Variants in SPRED2 observed in about 807,000 individuals in gnomAD.
The protein encoded by SPRED2 is sprouty-related, EVH1 domain-containing protein 2.
In SPRED2, 47 loss-of-function variants were observed where a neutral mutation model predicts 43.0. That is an observed-to-expected ratio of 1.09 (90% CI 0.87 to 1.40). The LOEUF (loss-of-function observed/expected upper bound fraction) is 1.40. SPRED2 is among the 40% of genes most tolerant of loss of function. SPRED2 has a pLI of 0.00. For missense variants in SPRED2, 561 were observed against 586.4 expected, an observed-to-expected ratio of 0.96 and a Z score of 0.45; for synonymous variants, 225 against 225.7, an observed-to-expected ratio of 1.00 and a Z score of 0.03.
chr2:65,319,308 T>C (rs34515879), intron 4 of SPRED2, among the ~76,000 whole-genome samples: 72 of 152,286 alleles, frequency 4.7e-4, no homozygotes, highest in Non-Finnish European at 8.7e-4. Context: ...CGAAGCAATA[T>C]AGAGAGACTT....
chr2:65,312,385 C>A lies in SPRED2; in HGVS notation c.*1116G>T. On this transcript the variant is annotated 3_prime_UTR_variant, in exon 6 of 6. Coordinates refer to ENST00000356388, the MANE Select transcript of SPRED2 (RefSeq NM_181784.3). ...ACATAAACCCATGAAGAAAATGCAA[C>A]CCACCACTCTTCAAATTTATGACAT... 3.0e-6 allele frequency: 3 copies of A among 985,338 alleles called. No homozygotes were observed. The highest frequency in any genetic ancestry group is 3.6e-6 in the Non-Finnish European group (3 of 829,906). The allele number at this position is 985,338 out of a possible 1,614,324, so 61.0% of individuals were successfully genotyped here.
chr2:65,327,713 C>CTTTTTTTTTT (rs555549300), intron 4 of SPRED2, among the ~76,000 whole-genome samples: 12 of 74,470 alleles, frequency 1.6e-4, no homozygotes, highest in African/African-American at 3.6e-4. Context: ...TTCTTTCTTT[C>CTTTTTTTTTT]TTTTTTTTTT....
chr2:65,346,252 G>T (rs1310925879), intron 1 of SPRED2, among the ~76,000 whole-genome samples: 1 of 151,220 alleles, frequency 6.6e-6, no homozygotes, highest in African/African-American at 2.4e-5. Context: ...CCACCCAACT[G>T]ATCTCCCTTG....
rs143714447 is a variant in SPRED2 at position 65,401,926 on chromosome 2, A to AGCGC, written c.26+30032_26+30035dup. On this transcript the variant is annotated intron_variant, in intron 1 of 5. Coordinates refer to ENST00000356388, the MANE Select transcript of SPRED2 (RefSeq NM_181784.3). Reference sequence around the variant, plus strand: ...TAAATTGTAAAACGATCAGAATATTAGCGCGCGCGCGCACACACACACACA... The same window carrying AGCGC: ...TAAATTGTAAAACGATCAGAATATTAGCGCGCGCGCGCGCGCACACACACACACA... Among the ~76,000 whole-genome samples the AGCGC allele has an allele frequency of 9.0e-3, 1,102 of 121,826 alleles. 13 individuals are homozygous for AGCGC. The highest frequency in any genetic ancestry group is 0.019 in the Middle Eastern group (4 of 216). 79.9% of individuals were successfully genotyped at this position (121,826 alleles called of 152,430 possible). A position where few individuals can be genotyped will look rare whatever the true frequency, so the allele number is the denominator to read the frequency against.
intron 1 of SPRED2, among the ~76,000 whole-genome samples, chr2:65,386,199 C>A (rs989034181): frequency 2.0e-5 from 3 of 149,176 alleles, no homozygotes; most frequent in African/African-American, 7.4e-5. Flanking sequence ...GCAGGAGAAT[C>A]GCTTGAACCC....
At chr2:65,377,516 GA>G (rs1675270248) in intron 1 of SPRED2, 1 of 462,166 alleles carries the variant, frequency 2.2e-6, no homozygotes, top group African/African-American at 2.0e-5. Flanking sequence ...CTGACTCTAA[GA>G]AATTCTAACA....
chr2:65,350,341 A>C (rs1674472782), intron 1 of SPRED2, among the ~76,000 whole-genome samples: 1 of 152,236 alleles, frequency 6.6e-6, no homozygotes, highest in South Asian at 2.1e-4. Flanking sequence ...ACAACATTTT[A>C]AAAGAATGCT....
chr2:65,414,560 C>G (rs1256004790), intron 1 of SPRED2, among the ~76,000 whole-genome samples: 13 of 152,214 alleles, frequency 8.5e-5, no homozygotes, highest in Admixed American at 7.9e-4. Flanking sequence ...AAGGGGCCAT[C>G]ATTCCCACCA....
intron 1 of SPRED2, among the ~76,000 whole-genome samples, chr2:65,422,104 A>ACACACACACACACACACACTCTCT (rs1299857849): frequency 1.6e-5 from 2 of 129,032 alleles, no homozygotes; most frequent in South Asian, 5.6e-4. Context: ...ACACACACAC[A>ACACACACACACACACACACTCTCT]CTCTCTCTCT....
At chr2:65,403,351 G>A (rs1675949755) in intron 1 of SPRED2, among the ~76,000 whole-genome samples, 1 of 152,186 alleles carries the variant, frequency 6.6e-6, no homozygotes, top group Non-Finnish European at 1.5e-5. Flanking sequence ...AAAGCTCACT[G>A]CAGCCTCGAA....
chr2:65,337,140 C>A (rs1444340461), intron 2 of SPRED2, among the ~76,000 whole-genome samples: 2 of 152,036 alleles, frequency 1.3e-5, no homozygotes, highest in African/African-American at 4.8e-5. Context: ...AAAATAAGTT[C>A]AGCCACCTAA....
chr2:65,330,211 C>A (rs369808748), intron 4 of SPRED2, among the ~76,000 whole-genome samples: 2 of 152,220 alleles, frequency 1.3e-5, no homozygotes, highest in Non-Finnish European at 2.9e-5. Flanking sequence ...GGCTCACATA[C>A]CTTTGTATTC....
chr2:65,423,473 GA>G (rs957494707), intron 1 of SPRED2, among the ~76,000 whole-genome samples: 1 of 152,294 alleles, frequency 6.6e-6, no homozygotes, highest in Non-Finnish European at 1.5e-5. Context: ...AAACTACCAG[GA>G]CACCATTAGA....
At chr2:65,378,370 T>C (rs1675294051) in intron 1 of SPRED2, among the ~76,000 whole-genome samples, 1 of 152,240 alleles carries the variant, frequency 6.6e-6, no homozygotes, top group African/African-American at 2.4e-5. Context: ...CAGAAATACA[T>C]ACTGAAGTAT....
intron 1 of SPRED2, among the ~76,000 whole-genome samples, chr2:65,418,004 C>T (rs1392203953): frequency 6.6e-6 from 1 of 152,170 alleles, no homozygotes; most frequent in East Asian, 1.9e-4. Flanking sequence ...TTCACAGCCC[C>T]CTTGACCATC....
At chr2:65,387,153 G>A (rs556724517) in intron 1 of SPRED2, among the ~76,000 whole-genome samples, 3 of 152,322 alleles carry the variant, frequency 2.0e-5, no homozygotes, top group African/African-American at 7.2e-5. Flanking sequence ...GTGCAGTGTG[G>A]GCTGTGTGGG....
intron 2 of SPRED2, among the ~76,000 whole-genome samples, chr2:65,336,801 T>C (rs1464148660): frequency 1.3e-5 from 2 of 152,214 alleles, no homozygotes; most frequent in Non-Finnish European, 2.9e-5. Flanking sequence ...CAAAGGTACA[T>C]TTTCTTAGAA....
intron 4 of SPRED2, among the ~76,000 whole-genome samples, chr2:65,326,756 G>A (rs910002295): frequency 2.6e-5 from 4 of 151,842 alleles, no homozygotes; most frequent in Non-Finnish European, 4.4e-5. Flanking sequence ...TTCCCGCCTC[G>A]GCCTCCCAAA....
At chr2:65,314,200 C>T (rs1298184703) in intron 5 of SPRED2, 31 bp from the exon 6 acceptor site, 4 of 1,532,232 alleles carry the variant, frequency 2.6e-6, no homozygotes, top group Non-Finnish European at 8.8e-7. Flanking sequence ...CATTATTTTA[C>T]AGCAGCGGCC....
Sources: allele counts gnomAD v4.1 joint callset (sites outside exome capture counted in the v4.1 genomes callset), GRCh38; gene constraint gnomAD v4.1.1; transcripts MANE v1.5; gene names NCBI Gene and HGNC (gene_info 2026-07-23, HGNC 2026-07-21).